Variants in TGFBR3 observed in about 807,000 individuals in gnomAD.
The protein encoded by TGFBR3 is transforming growth factor beta receptor 3.
A neutral mutation model predicts 87.9 loss-of-function variants in TGFBR3; 46 were observed. That is an observed-to-expected ratio of 0.52 (90% CI 0.41 to 0.67). The LOEUF (loss-of-function observed/expected upper bound fraction) is 0.67, where lower values mean the gene tolerates loss of function less well. Ranked by LOEUF, TGFBR3 falls within the 30% of genes least tolerant of loss-of-function variation. TGFBR3 has a pLI of 0.00. For missense variants in TGFBR3, 866 were observed against 1,041.9 expected (o/e 0.83, Z 2.32); for synonymous variants, 381 against 391.6 (o/e 0.97, Z 0.32).
intron 3 of TGFBR3, among the ~76,000 whole-genome samples, chr1:91,767,564 T>A (rs1263381580): frequency 3.8e-5 from 5 of 133,292 alleles, no homozygotes; most frequent in African/African-American, 1.4e-4. Flanking sequence ...GCGTAATATC[T>A]AATTACTCCC....
At chr1:91,808,602 A>G (rs1675922000) in intron 2 of TGFBR3, among the ~76,000 whole-genome samples, 1 of 152,146 alleles carries the variant, frequency 6.6e-6, no homozygotes, top group Admixed American at 6.5e-5. Context: ...AGTAGCTGGA[A>G]TTACAGGCAT....
At chr1:91,892,358 C>T (rs1018565190) in intron 2 of TGFBR3, among the ~76,000 whole-genome samples, 6 of 151,824 alleles carry the variant, frequency 4.0e-5, no homozygotes, top group African/African-American at 1.5e-4. Context: ...AGAGAACTAG[C>T]CCCACCTCTT....
chr1:91,722,437 T>G (rs533495801), intron 7 of TGFBR3, among the ~76,000 whole-genome samples: 1 of 152,202 alleles, frequency 6.6e-6, no homozygotes, highest in Non-Finnish European at 1.5e-5. Flanking sequence ...AGTCTATAAC[T>G]GTACAGTTAG....
intron 1 of TGFBR3, among the ~76,000 whole-genome samples, chr1:91,901,478 C>T (rs1435961446): frequency 6.6e-6 from 1 of 152,178 alleles, no homozygotes; most frequent in Non-Finnish European, 1.5e-5. Flanking sequence ...GGATTTACAT[C>T]TGTTTTTATT....
chr1:91,716,840 A>C, intron 10 of TGFBR3, 132 bp from the exon 11 acceptor site: 1 of 1,132,560 alleles, frequency 8.8e-7, no homozygotes, highest in Non-Finnish European at 1.3e-6. Context: ...AAAATAATAA[A>C]ATAACATCCA....
chr1:91,791,377 C>T (rs746677475), intron 3 of TGFBR3, among the ~76,000 whole-genome samples: 4 of 152,092 alleles, frequency 2.6e-5, no homozygotes, highest in African/African-American at 4.8e-5. Context: ...GGCTCCTGAG[C>T]TCAGCCCTGC....
At position 91,720,143 on chromosome 1, in the gene TGFBR3, T is replaced by A. The variant is rs371268765; in HGVS notation, c.1163A>T (p.Asn388Ile). 8.7e-5 allele frequency: 140 copies of A among 1,613,840 alleles called. No individual in the cohort carries two copies. The highest frequency in any genetic ancestry group is 6.3e-4 in the Admixed American group (38 of 59,984). The change falls in exon 9 of 17, where the codon AAC becomes ATC. Residue 388 changes from asparagine to isoleucine, a missense_variant. Asn to Ile is a moderately radical substitution (Grantham distance 149). Transcript: ENST00000212355. ...LDPGALPALQ[N>I]PPIRGGEGQN... The stretch of plus-strand genomic sequence containing the variant: ...GCCTTCCCCTCCCCGGATGGGCGGG[T>A]TCTGCAGGGCAGGCAGGGCACCAGG...
chr1:91,850,843 G>A (rs1677703865), intron 2 of TGFBR3, among the ~76,000 whole-genome samples: 1 of 150,526 alleles, frequency 6.6e-6, no homozygotes. Context: ...CTGAACCTCT[G>A]CCCTCCTTTG....
At chr1:91,868,075 G>A (rs555799898) in intron 1 of TGFBR3, among the ~76,000 whole-genome samples, 3 of 152,126 alleles carry the variant, frequency 2.0e-5, no homozygotes, top group East Asian at 1.9e-4. Context: ...GTGCCACCAC[G>A]CCTGGCTAAT....
At chr1:91,807,118 A>C (rs1387463028) in intron 2 of TGFBR3, among the ~76,000 whole-genome samples, 1 of 152,172 alleles carries the variant, frequency 6.6e-6, no homozygotes, top group Admixed American at 6.5e-5. Flanking sequence ...CTCAAATTAC[A>C]ATTCATTGGA....
chr1:91,829,193 T>C (rs1304220745), intron 2 of TGFBR3, among the ~76,000 whole-genome samples: 1 of 151,858 alleles, frequency 6.6e-6, no homozygotes, highest in Non-Finnish European at 1.5e-5. Context: ...CTGGAGAGCA[T>C]GGTGAAACCC....
chr1:91,883,996 G>A (rs1163635259), intron 1 of TGFBR3, among the ~76,000 whole-genome samples: 1 of 152,156 alleles, frequency 6.6e-6, no homozygotes, highest in African/African-American at 2.4e-5. Flanking sequence ...GATCAACAAT[G>A]TCTGGAGAAT....
At chr1:91,685,124 G>C (rs1671045566) in intron 16 of TGFBR3, among the ~76,000 whole-genome samples, 1 of 152,118 alleles carries the variant, frequency 6.6e-6, no homozygotes, top group Non-Finnish European at 1.5e-5. Context: ...CCTGGGTCTG[G>C]TTACAGCTTT....
chr1:91,894,002 G>A (rs1242699841), intron 2 of TGFBR3, among the ~76,000 whole-genome samples: 2 of 151,248 alleles, frequency 1.3e-5, no homozygotes, highest in African/African-American at 4.9e-5. Flanking sequence ...GGCCAAAGTG[G>A]GTGGATCACT....
At chr1:91,882,865 A>G (rs1438842651) in intron 1 of TGFBR3, among the ~76,000 whole-genome samples, 1 of 152,232 alleles carries the variant, frequency 6.6e-6, no homozygotes, top group Non-Finnish European at 1.5e-5. Context: ...AGTATCAAAT[A>G]TGATACATCT....
At chr1:91,896,021 T>C (rs550509714) in intron 2 of TGFBR3, among the ~76,000 whole-genome samples, 4 of 152,306 alleles carry the variant, frequency 2.6e-5, no homozygotes, top group African/African-American at 9.6e-5. Flanking sequence ...ACCTAAACAA[T>C]GTTGATAGTT....
chr1:91,765,823 A>T (rs1419033281), intron 3 of TGFBR3, among the ~76,000 whole-genome samples: 1 of 152,200 alleles, frequency 6.6e-6, no homozygotes, highest in African/African-American at 2.4e-5. Flanking sequence ...TAAGTGTGTT[A>T]GAATGATTAG....
intron 12 of TGFBR3, among the ~76,000 whole-genome samples, chr1:91,713,211 G>A (rs927232552): frequency 3.3e-5 from 5 of 152,252 alleles, no homozygotes; most frequent in East Asian, 3.9e-4. Context: ...ATAAGCCCAG[G>A]GGTAGTTTAG....
intron 3 of TGFBR3, among the ~76,000 whole-genome samples, chr1:91,791,652 G>A (rs1480405409): frequency 6.6e-6 from 1 of 152,192 alleles, no homozygotes; most frequent in African/African-American, 2.4e-5. Context: ...GAGCTAAAAG[G>A]AAAGGACAAC....
Sources: gnomAD v4.1 joint callset for allele counts (sites outside exome capture counted in the v4.1 genomes callset) on GRCh38, gnomAD v4.1.1 for gene constraint, MANE v1.5 for transcripts, NCBI Gene and HGNC (gene_info 2026-07-23, HGNC 2026-07-21) for gene names.